Variants in SLX4 observed in about 807,000 individuals in gnomAD.
SLX4 encodes SLX4 structure-specific endonuclease subunit.
SLX4 carries 112 observed loss-of-function variants against 146.2 expected under a neutral mutation model. The ratio of observed to expected loss-of-function variants is 0.77; its 90% CI spans 0.66 to 0.90. The LOEUF is 0.90. Among genes scored for constraint, SLX4 ranks in the 40% least tolerant of loss-of-function variants. The probability of loss-of-function intolerance (pLI) is 0.00; values close to 1 mark genes in which losing one functional copy is unlikely to be tolerated. For missense variants in SLX4, 2,563 were observed against 2,392.7 expected, an observed-to-expected ratio of 1.07 and a Z score of -1.49; for synonymous variants, 1,061 against 997.7, an observed-to-expected ratio of 1.06 and a Z score of -1.20.
intron 3 of SLX4, among the ~76,000 whole-genome samples, chr16:3,603,746 G>A (rs896271639): frequency 2.6e-5 from 4 of 152,178 alleles, no homozygotes; most frequent in African/African-American, 4.8e-5. Context: ...TTATTGGGCC[G>A]GTGCCACACC....
At position 3,594,351 on chromosome 16, in the gene SLX4, G is replaced by C. The variant is rs559632389; in HGVS notation, c.2160+102C>G. 4.8e-5 allele frequency: 70 copies of C among 1,470,564 alleles called. No homozygotes were observed. The East Asian group carries it at 1.3e-3, about 26-fold the overall frequency. 91.1% of individuals were successfully genotyped at this position (1,470,564 alleles called of 1,614,324 possible). ...GGCAGGAAGTGAGGGAGAGTGGGGGGGTGGAAAGGGCACCTGAGACATGGG... is the reference window on the plus strand; with the variant it reads ...GGCAGGAAGTGAGGGAGAGTGGGGGCGTGGAAAGGGCACCTGAGACATGGG... On this transcript the variant is annotated intron_variant, in intron 10 of 14. Coordinates refer to ENST00000294008, the MANE Select transcript of SLX4 (RefSeq NM_032444.4).
chr16:3,586,233 A>C (rs755629949), intron 12 of SLX4, among the ~76,000 whole-genome samples: 1 of 152,212 alleles, frequency 6.6e-6, no homozygotes, highest in Non-Finnish European at 1.5e-5. Flanking sequence ...ACAAATTAAA[A>C]ACAACCCGTG....
At chr16:3,591,889 T>G (rs1264924969) in intron 11 of SLX4, among the ~76,000 whole-genome samples, 1 of 152,206 alleles carries the variant, frequency 6.6e-6, no homozygotes, top group Non-Finnish European at 1.5e-5. Context: ...GCATGGTGGC[T>G]CATGCCCATA....
At position 3,583,426 on chromosome 16, in the gene SLX4, T is replaced by C. The variant is rs767845523; in HGVS notation, c.4824A>G (p.Ser1608=). 3.9e-5 allele frequency: 63 copies of C among 1,613,850 alleles called. No individual in the cohort carries two copies. Among genetic ancestry groups the C allele is most frequent in the Non-Finnish European group, 5.3e-5 (63 of 1,179,888 alleles). The change falls in exon 14 of 15, where the codon TCA becomes TCG. Residue 1608 remains serine (S), a synonymous_variant. Transcript: ENST00000294008. The part of the protein sequence containing the change: ...IFQYTHQTLD[S]DSEDESQSSQ... ...AGGACTGGCTCTCGTCCTCGGAGTC[T>C]GAGTCCAGGGTCTGGTGAGTGTACT...
At position 3,601,066 on chromosome 16, in the gene SLX4, T is replaced by A. The variant is rs2151134068; in HGVS notation, c.1076A>T (p.Lys359Met). 1 of 1,614,138 alleles carries A rather than the reference T, an allele frequency of 6.2e-7. No homozygotes were observed. Among genetic ancestry groups the A allele is most frequent in the Non-Finnish European group, 8.5e-7 (1 of 1,180,032 alleles). Residue 359 changes from lysine (K) to methionine (M), a missense_variant, in exon 5 of 15, where the codon AAG becomes ATG. Coordinates refer to ENST00000294008, the MANE Select transcript of SLX4 (RefSeq NM_032444.4). The stretch of plus-strand genomic sequence containing the variant: ...CAGGAGCTGGGGGCCAACCTCCATC[T>A]TCACAGCACACTGCTTCAAGTGACT... ...RTSHLKQCAV[K>M]MEVGPQLLLQ...
chr16:3,596,120 G>C (rs374393051), intron 8 of SLX4, 33 bp downstream of exon 8: 10 of 1,541,880 alleles, frequency 6.5e-6, no homozygotes, highest in Admixed American at 3.9e-5. Flanking sequence ...CGGGAGGGCA[G>C]GGCTGGCCCT....
rs112694849 is a variant in SLX4, at chr16:3,589,115, G to T, written c.4523C>A (p.Ser1508Ter). 1.7e-5 allele frequency: 27 copies of T among 1,614,016 alleles called. No homozygotes were observed. The highest frequency in any genetic ancestry group is 2.2e-5 in the Non-Finnish European group (26 of 1,180,016). ...LGNSRPSFLN[S>*]ALWDVWDGEE... ...CCCGTCCCAAACGTCCCACAGAGCC[G>T]AATTCAGAAAGCTCGGCCTGCTATT... The change falls in exon 12 of 15, where the codon TCG becomes TAG. Residue 1508 changes from serine to a stop codon, truncating the protein, a stop_gained. Transcript: ENST00000294008. LOFTEE classifies it high-confidence loss of function. The surrounding 1 kb of genome is among the most constrained non-coding windows in gnomAD (Gnocchi z 6.2).
chr16:3,597,593 A>T lies in SLX4; in HGVS notation c.1469T>A (p.Leu490His). Reference protein sequence around the residue: ...GRQIEDRVALLLSEEVELSST... With the variant: ...GRQIEDRVALHLSEEVELSST... Reference sequence around the variant, plus strand: ...AGACAATTCCACTTCCTCAGAGAGGAGCAGGGCCACACGGTCCTCTATCTG... The same window carrying T: ...AGACAATTCCACTTCCTCAGAGAGGTGCAGGGCCACACGGTCCTCTATCTG... Residue 490 changes from leucine (L) to histidine (H), a missense_variant, in exon 7 of 15, where the codon CTC (leucine) becomes CAC (histidine). Transcript: ENST00000294008. This position sits in a 1 kb window ranked among gnomAD's most constrained non-coding sequence, Gnocchi z 4.4. The T allele has an allele frequency of 6.2e-7, 1 of 1,614,020 alleles. No homozygotes were observed. Among genetic ancestry groups the T allele is most frequent in the Non-Finnish European group, 8.5e-7 (1 of 1,180,028 alleles).
At position 3,582,431 on chromosome 16, in the gene SLX4, T is replaced by C; in HGVS notation, c.5416A>G (p.Ile1806Val). ...CGGGTGGCGGCAGTGGTGAAGGTGA[T>C]ACAGTGGGTGTCCAGGAAGTCCAAC... Reference protein sequence around the residue: ...RLLDFLDTHCITFTTAATRRE... With the variant: ...RLLDFLDTHCVTFTTAATRRE... Residue 1806 changes from isoleucine (I) to valine (V), a missense_variant, in exon 15 of 15, where the codon ATC becomes GTC. Physicochemically the swap from Ile to Val is conservative, Grantham distance 29. Transcript: ENST00000294008. The C allele has an allele frequency of 6.2e-7, 1 of 1,613,860 alleles. No individual in the cohort carries two copies. Among genetic ancestry groups the C allele is most frequent in the Non-Finnish European group, 8.5e-7 (1 of 1,180,010 alleles).
Position 3,589,759 on chromosome 16 carries a change from C to T in SLX4, c.3879G>A (p.Arg1293=). 1 of 1,613,744 alleles carries T rather than the reference C, an allele frequency of 6.2e-7. No homozygotes were observed. The highest frequency in any genetic ancestry group is 8.5e-7 in the Non-Finnish European group (1 of 1,180,028). The change falls in exon 12 of 15, where the codon AGG becomes AGA. Residue 1293 remains arginine (R), a synonymous_variant. Coordinates refer to ENST00000294008, the MANE Select transcript of SLX4 (RefSeq NM_032444.4). The surrounding 1 kb of genome is among the most constrained non-coding windows in gnomAD (Gnocchi z 6.2). ...AVQAVTQHTP[R]ASVGNREGNE... ...TCCCTTCCCTGTTTCCTACTGAGGC[C>T]CTGGGCGTGTGCTGAGTCACCGCCT...
At chr16:3,583,601 C>G (rs1338349984) in intron 13 of SLX4, 91 bp from the exon 14 acceptor site, 5 of 1,411,324 alleles carry the variant, frequency 3.5e-6, no homozygotes, top group Non-Finnish European at 5.0e-6. Flanking sequence ...ATACCCAATG[C>G]ATTCAGCGAA....
chr16:3,605,335 C>CCT (rs1483607132), intron 3 of SLX4, among the ~76,000 whole-genome samples: 1 of 152,062 alleles, frequency 6.6e-6, no homozygotes, highest in Non-Finnish European at 1.5e-5. Context: ...GTGATCTGCG[C>CCT]ACCTCGGCCT....
At position 3,590,609 on chromosome 16, in the gene SLX4, G is replaced by T. The variant is rs371498017; in HGVS notation, c.3029C>A (p.Ala1010Asp). 1.2e-6 allele frequency: 2 copies of T among 1,613,878 alleles called. No individual in the cohort carries two copies. The highest frequency in any genetic ancestry group is 1.7e-6 in the Non-Finnish European group (2 of 1,179,872). Residue 1010 changes from alanine to aspartate, a missense_variant, in exon 12 of 15, where the codon GCT becomes GAT. Transcript: ENST00000294008. The surrounding 1 kb of genome is among the most constrained non-coding windows in gnomAD (Gnocchi z 4.8). ...AACCTCCAGCCCCCTTTCCCTGACA[G>T]CGCCACTTTGTTCCTCGGGCTCACT... The part of the protein sequence containing the change: ...ITSEPEEQSG[A>D]VRERGLEVSH...
At chr16:3,610,239 C>T (rs995529933) in intron 1 of SLX4, among the ~76,000 whole-genome samples, 11 of 152,302 alleles carry the variant, frequency 7.2e-5, no homozygotes, top group Admixed American at 5.2e-4. Flanking sequence ...ATTTTGTTTT[C>T]CAGAGCTGAA....
intron 3 of SLX4, among the ~76,000 whole-genome samples, chr16:3,604,819 C>CAA (rs35214951): frequency 0.011 from 1,142 of 105,984 alleles, 24 homozygotes; most frequent in Middle Eastern, 0.028. Context: ...GACTCCATCT[C>CAA]AAAAAAAAAA....
chr16:3,600,757 T>G (rs1381837226), intron 5 of SLX4: 5 of 496,538 alleles, frequency 1.0e-5, no homozygotes, highest in East Asian at 3.8e-5. Context: ...TGTGCCACCA[T>G]GCTAATTTTT....
intron 1 of SLX4, among the ~76,000 whole-genome samples, chr16:3,610,893 C>A (rs180788158): frequency 6.6e-6 from 1 of 152,264 alleles, no homozygotes; most frequent in East Asian, 1.9e-4. Flanking sequence ...CTCACAAGGG[C>A]CTGGAAGGTC....
chr16:3,603,553 G>A (rs939447293), intron 3 of SLX4, among the ~76,000 whole-genome samples: 2 of 152,234 alleles, frequency 1.3e-5, no homozygotes, highest in African/African-American at 4.8e-5. Flanking sequence ...GGGGTGGCCT[G>A]AGACTCCTCC....
intron 11 of SLX4, among the ~76,000 whole-genome samples, chr16:3,592,417 C>A (rs1005145411): frequency 6.6e-6 from 1 of 152,190 alleles, no homozygotes; most frequent in Admixed American, 6.5e-5. Context: ...AGCCAAGGGC[C>A]ATTCTCTTAT....
Sources: allele counts gnomAD v4.1 joint callset (sites outside exome capture counted in the v4.1 genomes callset), GRCh38; gene constraint gnomAD v4.1.1; non-coding constraint Gnocchi (gnomAD v3.1); transcripts MANE v1.5; gene names NCBI Gene and HGNC (gene_info 2026-07-23, HGNC 2026-07-21).